The following CFAP418 variants were observed in gnomAD, a reference collection of about 807,000 sequenced individuals.
CFAP418 encodes the protein cilia and flagella associated protein 418, also known as cilia- and flagella-associated protein 418.
CFAP418 carries 27 observed loss-of-function variants against 24.7 expected under a neutral mutation model. The ratio of observed to expected loss-of-function variants is 1.09; its 90% confidence interval spans 0.81 to 1.51. CFAP418 has a LOEUF of 1.51. Ranked by LOEUF, CFAP418 falls within the 40% of genes most tolerant of loss-of-function variation. The pLI is 0.00. For missense variants in CFAP418, 257 were observed against 255.2 expected, an observed-to-expected ratio of 1.01 and a Z score of -0.05; for synonymous variants, 74 against 87.3, an observed-to-expected ratio of 0.85 and a Z score of 0.85.
At chr8:95,250,396 A>G (rs1811688422) in intron 5 of CFAP418, among the ~76,000 whole-genome samples, 2 of 152,246 alleles carry the variant, frequency 1.3e-5, no homozygotes, top group Non-Finnish European at 2.9e-5. Flanking sequence ...AGGGTAAACC[A>G]ACTGGTGTTC....
Position 95,260,464 on chromosome 8 carries a change from T to A in CFAP418, c.308+4A>T. ...TATAATTCACCAAAGCAATCTCAAC[T>A]TACCTTTTACCAAGGCCTTCAATGG... On this transcript the variant is annotated splice_donor_region_variant and intron_variant, in intron 3 of 5. Transcript: ENST00000286688. 1 of 1,581,898 alleles carries A rather than the reference T, an allele frequency of 6.3e-7. No individual in the cohort carries two copies.
intron 5 of CFAP418, among the ~76,000 whole-genome samples, chr8:95,248,922 A>G (rs1298269809): frequency 6.6e-6 from 1 of 152,220 alleles, no homozygotes; most frequent in African/African-American, 2.4e-5. Context: ...AAACTGTACG[A>G]AATTCAGGCA....
chr8:95,253,289 G>C (rs934397859), intron 4 of CFAP418, among the ~76,000 whole-genome samples: 2 of 150,170 alleles, frequency 1.3e-5, no homozygotes, highest in Admixed American at 1.3e-4. Context: ...CAGCCTGGGC[G>C]ACAAAGCGAG....
At chr8:95,261,058 C>T (rs1811880324) in intron 2 of CFAP418, among the ~76,000 whole-genome samples, 1 of 152,174 alleles carries the variant, frequency 6.6e-6, no homozygotes, top group Non-Finnish European at 1.5e-5. Flanking sequence ...CTAGTCACAA[C>T]CATACAGTAG....
At chr8:95,266,817 G>A (rs1410170802) in intron 1 of CFAP418, among the ~76,000 whole-genome samples, 1 of 152,186 alleles carries the variant, frequency 6.6e-6, no homozygotes, top group Non-Finnish European at 1.5e-5. Flanking sequence ...GGTGGGCTGA[G>A]GTACTAGAAA....
chr8:95,265,065 C>T (rs1811954428), intron 1 of CFAP418, among the ~76,000 whole-genome samples: 1 of 152,160 alleles, frequency 6.6e-6, no homozygotes, highest in Non-Finnish European at 1.5e-5. Flanking sequence ...GGTGCTAATC[C>T]TAGGCGGGGG....
intron 4 of CFAP418, among the ~76,000 whole-genome samples, chr8:95,259,439 C>T (rs34961968): frequency 0.068 from 10,300 of 152,140 alleles, 424 homozygotes; most frequent in Non-Finnish European, 0.089. Flanking sequence ...CAAGCAACTA[C>T]GCTTGAGAAT....
intron 4 of CFAP418, among the ~76,000 whole-genome samples, chr8:95,257,841 A>G (rs1036901749): frequency 2.0e-5 from 3 of 152,180 alleles, no homozygotes; most frequent in African/African-American, 7.2e-5. Flanking sequence ...TTGAGAATGT[A>G]CTCCTTCTAC....
rs139829883 is a variant in CFAP418, at chr8:95,262,163, G to C, written c.243+1524C>G. Among the ~76,000 whole-genome samples, 362 of 152,288 alleles carry C rather than the reference G, an allele frequency of 2.4e-3. 2 individuals are homozygous for C. Among genetic ancestry groups the C allele is most frequent in the African/African-American group, 8.4e-3 (349 of 41,542 alleles). ...CTTTTCATAAGGTGGGTTCTGTAAGGCTGACTGTGGAACTTGAGTATGTAT... is the reference window on the plus strand; with the variant it reads ...CTTTTCATAAGGTGGGTTCTGTAAGCCTGACTGTGGAACTTGAGTATGTAT... On this transcript the variant is annotated intron_variant, in intron 2 of 5. Coordinates refer to ENST00000286688, the MANE Select transcript of CFAP418 (RefSeq NM_177965.4).
Position 95,268,780 on chromosome 8 carries a change from C to A in CFAP418, c.155+255G>T, listed in dbSNP as rs949797833. ...CGGGGCGGGGCGGGGCGGGGCGGGG[C>A]GGGGCGGGGCGGGGGCCAGCCCTCT... On this transcript the variant is annotated intron_variant, in intron 1 of 5. Transcript: ENST00000286688. 3.5e-5 allele frequency: 4 copies of A among 113,834 alleles called. 1 individual carries two copies. Among genetic ancestry groups the A allele is most frequent in the Non-Finnish European group, 5.5e-5 (4 of 72,812 alleles). 7.1% of individuals were successfully genotyped at this position (113,834 alleles called of 1,614,324 possible).
chr8:95,263,448 T>C (rs988105246), intron 2 of CFAP418, among the ~76,000 whole-genome samples: 2 of 152,190 alleles, frequency 1.3e-5, no homozygotes, highest in African/African-American at 2.4e-5. Flanking sequence ...AGTTGACTTC[T>C]ATGCTAACAG....
intron 1 of CFAP418, 92 bp downstream of exon 1, chr8:95,268,943 G>A (rs1812084685): frequency 7.2e-7 from 1 of 1,389,602 alleles, no homozygotes; most frequent in Non-Finnish European, 9.9e-7. Flanking sequence ...GAGGTCGCGG[G>A]CACGTTTCTT....
In CFAP418 at chr8:95,259,845, T is replaced by C. The variant is rs374030256; in HGVS notation, c.369A>G (p.Ser123=). 19 of 1,607,152 alleles carry C rather than the reference T, an allele frequency of 1.2e-5. No homozygotes were observed. The highest frequency in any genetic ancestry group is 5.4e-5 in the African/African-American group (4 of 74,414). Residue 123 remains serine (S), a synonymous_variant, in exon 4 of 6, where the codon TCA becomes TCG. Transcript: ENST00000286688. ...SIPCGIGTNI[S]WRACDHLRCI... is the part of the protein sequence containing the mutation. ...ATACATTTCTGACAACCTACCTCCA[T>C]GAAATATTTGTTCCAATCCCACATG...
intron 4 of CFAP418, among the ~76,000 whole-genome samples, chr8:95,254,947 A>G (rs1049974830): frequency 3.3e-5 from 5 of 152,148 alleles, no homozygotes; most frequent in Non-Finnish European, 5.9e-5. Context: ...TCCTTAGTCA[A>G]TCACTGAATT....
intron 2 of CFAP418, among the ~76,000 whole-genome samples, chr8:95,262,843 T>C (rs1044939436): frequency 2.0e-5 from 3 of 152,174 alleles, no homozygotes; most frequent in Non-Finnish European, 4.4e-5. Context: ...AAAATTTGTA[T>C]GCCTTTTCTC....
chr8:95,253,522 A>T (rs1811740709), intron 4 of CFAP418, among the ~76,000 whole-genome samples: 2 of 152,214 alleles, frequency 1.3e-5, no homozygotes, highest in Admixed American at 6.5e-5. Context: ...TTTCCCTTCA[A>T]AGTTCAGATA....
intron 5 of CFAP418, 40 bp from the exon 6 acceptor site, chr8:95,247,810 T>G: frequency 1.3e-6 from 2 of 1,529,280 alleles, no homozygotes; most frequent in Non-Finnish European, 1.8e-6. Context: ...AGTGGCTTTG[T>G]TCAGTGCTTA....
chr8:95,265,419 C>T (rs1215059822), intron 1 of CFAP418, among the ~76,000 whole-genome samples: 1 of 152,206 alleles, frequency 6.6e-6, no homozygotes, highest in Non-Finnish European at 1.5e-5. Flanking sequence ...TCTAATCCCT[C>T]AACTATAGTG....
At chr8:95,250,470 T>C (rs1811689456) in intron 5 of CFAP418, among the ~76,000 whole-genome samples, 1 of 152,262 alleles carries the variant, frequency 6.6e-6, no homozygotes, top group South Asian at 2.1e-4. Context: ...GTTTACTTTA[T>C]GCCTGTGTTC....
Sources: gnomAD v4.1 joint callset for allele counts (sites outside exome capture counted in the v4.1 genomes callset) on GRCh38, gnomAD v4.1.1 for gene constraint, MANE v1.5 for transcripts, NCBI Gene and HGNC (gene_info 2026-07-23, HGNC 2026-07-21) for gene names.